PDE1A: variants seen among roughly 807,000 people sequenced by gnomAD.
The protein encoded by PDE1A is phosphodiesterase 1A.
Under a neutral mutation model 61.7 loss-of-function variants are expected in PDE1A, and 35 were observed. That is an observed-to-expected ratio of 0.57 (90% CI 0.43 to 0.75). PDE1A has a LOEUF of 0.75. Among genes scored for constraint, PDE1A ranks in the 30% least tolerant of loss-of-function variants. PDE1A has a pLI of 0.00. For synonymous variants in PDE1A, 232 were observed against 213.2 expected, an observed-to-expected ratio of 1.09 and a Z score of -0.77; for missense variants, 597 against 630.6, an observed-to-expected ratio of 0.95 and a Z score of 0.57.
intron 1 of PDE1A, among the ~76,000 whole-genome samples, chr2:182,344,729 GT>G (rs1559358822): frequency 8.3e-6 from 1 of 119,786 alleles, no homozygotes; most frequent in Non-Finnish European, 1.7e-5. Flanking sequence ...CTTTCTCTCT[GT>G]CTCTCTGTCT....
At chr2:182,558,528 T>G in the PDE1A span, among the ~76,000 whole-genome samples, 1 of 152,198 alleles carries the variant, frequency 6.6e-6, no homozygotes, top group Admixed American at 6.5e-5. Context: ...CTTTAATCTA[T>G]GTAAAACCAG....
At chr2:182,705,563 T>G in the PDE1A span, among the ~76,000 whole-genome samples, 2 of 151,770 alleles carry the variant, frequency 1.3e-5, no homozygotes, top group African/African-American at 4.8e-5. Context: ...TGGAGTGGAG[T>G]GCAGTTGTGT....
chr2:182,715,078 G>C, the PDE1A span, among the ~76,000 whole-genome samples: 3 of 152,064 alleles, frequency 2.0e-5, no homozygotes, highest in Admixed American at 6.5e-5. Context: ...TCATCTTCCA[G>C]TTTTCTGTTT....
the PDE1A span, among the ~76,000 whole-genome samples, chr2:182,586,159 A>C: frequency 2.6e-5 from 4 of 152,330 alleles, no homozygotes; most frequent in South Asian, 2.1e-4. Flanking sequence ...CCGAGTAAAT[A>C]ATCTATAATA....
intron 13 of PDE1A, among the ~76,000 whole-genome samples, chr2:182,150,538 G>T (rs569655677): frequency 1.3e-5 from 2 of 152,268 alleles, no homozygotes; most frequent in African/African-American, 4.8e-5. Context: ...AAACTTGTTT[G>T]TCAGCCAGGA....
In PDE1A at chr2:182,514,490, T is replaced by C. The variant is rs150980428; in HGVS notation, c.101+7786A>G. ...GTACAAAAACGGACACATAGACCCA[T>C]GGAACAGAATAGAGAACCCCAAAAT... On this transcript the variant is annotated intron_variant, in intron 2 of 14. Transcript: ENST00000410103. 1.2e-4 allele frequency among the ~76,000 whole-genome samples: 18 copies of C among 152,184 alleles called. No homozygotes were observed. In the East Asian group the frequency reaches 3.3e-3, roughly 28 times the overall value.
At chr2:182,246,395 T>C (rs1690952001) in intron 2 of PDE1A, among the ~76,000 whole-genome samples, 1 of 101,610 alleles carries the variant, frequency 9.8e-6, no homozygotes, top group Non-Finnish European at 1.8e-5. Context: ...GTCTTTTTTC[T>C]TTTTTCTTTC....
chr2:182,617,088 C>T, the PDE1A span, among the ~76,000 whole-genome samples: 43 of 152,320 alleles, frequency 2.8e-4, no homozygotes, highest in African/African-American at 8.7e-4. Flanking sequence ...AAGGTCCTGC[C>T]TAATCACATT....
chr2:182,486,756 C>A (rs1688049429), intron 2 of PDE1A, among the ~76,000 whole-genome samples: 1 of 152,024 alleles, frequency 6.6e-6, no homozygotes, highest in South Asian at 2.1e-4. Context: ...TCGGCCCTTA[C>A]CTCAAACCAT....
chr2:182,646,277 G>A, the PDE1A span, among the ~76,000 whole-genome samples: 6 of 149,036 alleles, frequency 4.0e-5, no homozygotes, highest in African/African-American at 1.5e-4. Flanking sequence ...GTGAAACCCT[G>A]TCTTTACTAA....
At chr2:182,422,602 T>C (rs1360395640) in intron 1 of PDE1A, among the ~76,000 whole-genome samples, 1 of 152,188 alleles carries the variant, frequency 6.6e-6, no homozygotes, top group Non-Finnish European at 1.5e-5. Flanking sequence ...GAGTATGCAA[T>C]AAGGTGGAAA....
the PDE1A span, among the ~76,000 whole-genome samples, chr2:182,645,924 A>G: frequency 6.6e-6 from 1 of 152,084 alleles, no homozygotes; most frequent in Non-Finnish European, 1.5e-5. Context: ...CCTAAAATAT[A>G]TTTTCTCTTT....
chr2:182,715,724 T>A, the PDE1A span, among the ~76,000 whole-genome samples: 1 of 152,162 alleles, frequency 6.6e-6, no homozygotes, highest in East Asian at 1.9e-4. Flanking sequence ...CTCAAATGCT[T>A]GTTGATACAC....
At chr2:182,439,604 A>G (rs1684661761) in intron 2 of PDE1A, among the ~76,000 whole-genome samples, 2 of 152,192 alleles carry the variant, frequency 1.3e-5, no homozygotes, top group South Asian at 2.1e-4. Context: ...AAACATTTCC[A>G]GTAAAGTTGG....
chr2:182,374,508 GAC>G (rs1240411627), intron 1 of PDE1A, among the ~76,000 whole-genome samples: 2 of 152,018 alleles, frequency 1.3e-5, no homozygotes, highest in Non-Finnish European at 2.9e-5. Flanking sequence ...ATTTAAAAGA[GAC>G]AGTTTTAAAA....
chr2:182,448,821 T>G (rs1685309296), intron 2 of PDE1A, among the ~76,000 whole-genome samples: 1 of 151,998 alleles, frequency 6.6e-6, no homozygotes, highest in Admixed American at 6.6e-5. Context: ...GATACAAACA[T>G]AAGTTATGGT....
At chr2:182,242,926 C>CGTGTGTGTGTGT (rs10529301) in intron 2 of PDE1A, among the ~76,000 whole-genome samples, 1 of 31,786 alleles carries the variant, frequency 3.1e-5, no homozygotes, top group African/African-American at 1.8e-4. Flanking sequence ...CTCTCTCTCT[C>CGTGTGTGTGTGT]GTGTGTGTAT....
chr2:182,152,921 C>T (rs956742707), intron 13 of PDE1A, among the ~76,000 whole-genome samples: 12 of 152,060 alleles, frequency 7.9e-5, no homozygotes, highest in Admixed American at 3.3e-4. Context: ...GCAAGTAATA[C>T]CTTAAAGTGT....
chr2:182,611,670 A>G, the PDE1A span, among the ~76,000 whole-genome samples: 1 of 152,196 alleles, frequency 6.6e-6, no homozygotes, highest in Non-Finnish European at 1.5e-5. Flanking sequence ...CGGTGCTTTT[A>G]CAGCATTCTT....
Sources: gnomAD v4.1 joint callset for allele counts (sites outside exome capture counted in the v4.1 genomes callset) on GRCh38, gnomAD v4.1.1 for gene constraint, MANE v1.5 for transcripts, NCBI Gene and HGNC (gene_info 2026-07-23, HGNC 2026-07-21) for gene names.